The following ARHGAP31 variants were observed in gnomAD, a reference collection of about 807,000 sequenced individuals.
The protein encoded by ARHGAP31 is rho GTPase-activating protein 31.
ARHGAP31 carries 34 observed loss-of-function variants against 113.9 expected under a neutral mutation model. The observed-to-expected ratio is 0.30, with a 90% CI of 0.23 to 0.40. ARHGAP31 has a LOEUF of 0.40. Among genes scored for constraint, ARHGAP31 ranks in the 10% least tolerant of loss-of-function variants. ARHGAP31 has a pLI of 1.00. For missense variants in ARHGAP31, 1,548 were observed against 1,767.1 expected (o/e 0.88, Z 2.22); for synonymous variants, 650 against 684.8 (o/e 0.95, Z 0.79).
At chr3:119,325,057 ACT>A (rs771396188) in intron 1 of ARHGAP31, 12 of 438,822 alleles carry the variant, frequency 2.7e-5, no homozygotes, top group Non-Finnish European at 5.1e-5. Flanking sequence ...TTTATTGAAC[ACT>A]CTCAGTGTGT....
At chr3:119,365,795 T>C (rs1377455386) in intron 2 of ARHGAP31, among the ~76,000 whole-genome samples, 1 of 152,256 alleles carries the variant, frequency 6.6e-6, no homozygotes, top group East Asian at 1.9e-4. Flanking sequence ...TTACTTAGTG[T>C]TCAGAGATCC....
At chr3:119,325,088 T>C (rs2079829805) in intron 1 of ARHGAP31, 3 of 378,066 alleles carry the variant, frequency 7.9e-6, no homozygotes, top group Admixed American at 3.0e-5. Flanking sequence ...AATTAAAATA[T>C]CTTCAAGTCA....
At position 119,380,363 on chromosome 3, in the gene ARHGAP31, CTG is replaced by C. The variant is rs766603031; in HGVS notation, c.349-539_349-538del. Among the ~76,000 whole-genome samples, 5 of 151,876 alleles carry C rather than the reference CTG, an allele frequency of 3.3e-5. No homozygotes were observed. In the South Asian group the frequency reaches 1.0e-3, roughly 32 times the overall value. ...CTGTCATCTCCATCTCATTCTGTAT[CTG>C]TCTCATTTATTTATTTACTTGCTTG... On this transcript the variant is annotated intron_variant, in intron 3 of 11. Transcript: ENST00000264245.
intron 6 of ARHGAP31, 103 bp downstream of exon 6, chr3:119,383,329 A>C: frequency 6.8e-7 from 1 of 1,465,176 alleles, no homozygotes; most frequent in East Asian, 2.3e-5. Flanking sequence ...TCTAGCTCTG[A>C]GTGTTGGCTG....
At chr3:119,350,680 G>A (rs2080103543) in intron 1 of ARHGAP31, among the ~76,000 whole-genome samples, 1 of 152,050 alleles carries the variant, frequency 6.6e-6, no homozygotes, top group Non-Finnish European at 1.5e-5. Context: ...AATAGCCTTG[G>A]GGTTAAGGGG....
At chr3:119,357,377 G>A (rs539670559) in intron 1 of ARHGAP31, among the ~76,000 whole-genome samples, 2 of 152,294 alleles carry the variant, frequency 1.3e-5, no homozygotes, top group Admixed American at 6.5e-5. Flanking sequence ...TCAGGAAGTG[G>A]CAGGCTGTCC....
rs1413930855 is a variant in ARHGAP31, at chr3:119,368,416, T to G, written c.248T>G (p.Val83Gly). ...SDQCPDLTRE[V>G]YLQDIHCVGS... The stretch of plus-strand genomic sequence containing the variant: ...CAATGTCCAGATCTGACAAGGGAAG[T>G]GTACCTCCAGGACATCCACTGTGTG... Residue 83 changes from valine to glycine, a missense_variant, in exon 3 of 12, where the codon GTG (valine) becomes GGG (glycine). By Grantham distance (109) the Val-to-Gly change is moderately radical. Transcript: ENST00000264245. 8 of 1,614,166 alleles carry G rather than the reference T, an allele frequency of 5.0e-6. No homozygotes were observed. The highest frequency in any genetic ancestry group is 6.8e-6 in the Non-Finnish European group (8 of 1,180,016).
intron 8 of ARHGAP31, among the ~76,000 whole-genome samples, chr3:119,397,350 C>T (rs2080561894): frequency 6.6e-6 from 1 of 152,242 alleles, no homozygotes; most frequent in Non-Finnish European, 1.5e-5. Flanking sequence ...CTCTGTGACA[C>T]AGTCAGGGGC....
chr3:119,414,371 G>T lies in ARHGAP31; in HGVS notation c.2442G>T (p.Arg814Ser), dbSNP rs1432145600. Residue 814 changes from arginine (R) to serine (S), a missense_variant, in exon 12 of 12, where the codon AGG becomes AGT. Transcript: ENST00000264245. ...PEREDSSRKLRTDLYIDQLKS... is the reference protein window; with the variant it reads ...PEREDSSRKLSTDLYIDQLKS... Reference sequence around the variant, plus strand: ...GAGAAGACTCATCCAGGAAATTGAGGACAGATCTCTACATAGACCAGCTGA... The same window carrying T: ...GAGAAGACTCATCCAGGAAATTGAGTACAGATCTCTACATAGACCAGCTGA... 1 of 1,614,180 alleles carries T rather than the reference G, an allele frequency of 6.2e-7. No individual in the cohort carries two copies. Among genetic ancestry groups the T allele is most frequent in the Non-Finnish European group, 8.5e-7 (1 of 1,180,032 alleles).
intron 10 of ARHGAP31, among the ~76,000 whole-genome samples, chr3:119,406,145 A>G (rs1441490340): frequency 1.3e-5 from 2 of 152,312 alleles, no homozygotes; most frequent in Admixed American, 6.5e-5. Flanking sequence ...TTTGCATGCC[A>G]TAATGGAGGC....
intron 1 of ARHGAP31, among the ~76,000 whole-genome samples, chr3:119,333,783 C>T (rs2079917552): frequency 6.6e-6 from 1 of 152,204 alleles, no homozygotes; most frequent in African/African-American, 2.4e-5. Flanking sequence ...ACCATGCTGC[C>T]TCTTGGTTCT....
At chr3:119,346,863 C>A (rs77242717) in intron 1 of ARHGAP31, among the ~76,000 whole-genome samples, 2,783 of 152,240 alleles carry the variant, frequency 0.018, 50 homozygotes, top group East Asian at 0.061. Context: ...TTGGATAGGT[C>A]CCTAAACTTC....
intron 1 of ARHGAP31, among the ~76,000 whole-genome samples, chr3:119,325,753 G>C (rs2079835963): frequency 6.6e-6 from 1 of 152,206 alleles, no homozygotes; most frequent in Non-Finnish European, 1.5e-5. Flanking sequence ...AGGGAAAGGA[G>C]AGAGGAGCTA....
In ARHGAP31 at chr3:119,399,390, C is replaced by T. The variant is rs141111639; in HGVS notation, c.1069+129C>T. ...CACACAACTACCTAGTCCCAAATCC[C>T]TCACTGACCCTACCCTAACTCAAGG... is the stretch of plus-strand genomic sequence containing the variant. On this transcript the variant is annotated intron_variant, in intron 9 of 11. Coordinates refer to ENST00000264245, the MANE Select transcript of ARHGAP31 (RefSeq NM_020754.4). 4,172 of 795,104 alleles carry T rather than the reference C, an allele frequency of 5.2e-3. 45 individuals carry two copies. The highest frequency in any genetic ancestry group is 0.025 in the South Asian group (1,725 of 68,728). The allele number at this position is 795,104 out of a possible 1,614,324, so 49.3% of individuals were successfully genotyped here.
intron 3 of ARHGAP31, among the ~76,000 whole-genome samples, chr3:119,368,927 A>T (rs576685604): frequency 2.2e-4 from 33 of 152,188 alleles, no homozygotes; most frequent in South Asian, 1.2e-3. Flanking sequence ...TTTCTTTTGT[A>T]GGTTGGGTAA....
At chr3:119,350,378 G>C (rs776654484) in intron 1 of ARHGAP31, among the ~76,000 whole-genome samples, 25 of 152,194 alleles carry the variant, frequency 1.6e-4, no homozygotes, top group Non-Finnish European at 3.5e-4. Context: ...TTACCTGGCT[G>C]TTCTTCACAT....
At chr3:119,372,338 C>T (rs1436184607) in intron 3 of ARHGAP31, among the ~76,000 whole-genome samples, 1 of 147,084 alleles carries the variant, frequency 6.8e-6, no homozygotes. Context: ...GGCTGGAGTG[C>T]AGTGGTGTGA....
At chr3:119,301,653 T>C (rs372454123) in intron 1 of ARHGAP31, among the ~76,000 whole-genome samples, 1 of 150,240 alleles carries the variant, frequency 6.7e-6, no homozygotes, top group South Asian at 2.1e-4. Flanking sequence ...TGTTTTTTTT[T>C]ACCAGGAATC....
rs56175761 is a variant in ARHGAP31, at chr3:119,352,610, C to CCA, written c.101-12689_101-12688dup. Among the ~76,000 whole-genome samples, 1,488 of 150,994 alleles carry CCA rather than the reference C, an allele frequency of 9.9e-3. 19 individuals are homozygous for CCA. Among genetic ancestry groups the CCA allele is most frequent in the Non-Finnish European group, 0.011 (774 of 67,558 alleles). ...TCTAGATTACCTCCCCTCCCTCTTC[C>CCA]CACACACACACACACACAAAAGCCT... On this transcript the variant is annotated intron_variant, in intron 1 of 11. Transcript: ENST00000264245.
Sources: allele counts gnomAD v4.1 joint callset (sites outside exome capture counted in the v4.1 genomes callset), GRCh38; gene constraint gnomAD v4.1.1; transcripts MANE v1.5; gene names NCBI Gene and HGNC (gene_info 2026-07-23, HGNC 2026-07-21).